WDR44: variants seen among roughly 807,000 people sequenced by gnomAD.
The protein encoded by WDR44 is WD repeat domain 44, also known as WD repeat-containing protein 44.
Under a neutral mutation model 65.7 loss-of-function variants are expected in WDR44, and 9 were observed. That is an observed-to-expected ratio of 0.14 (90% CI 0.08 to 0.24). The LOEUF is 0.24. Ranked by LOEUF, WDR44 falls within the 10% of genes least tolerant of loss-of-function variation. The pLI, the probability that WDR44 is intolerant of heterozygous loss-of-function variation, is 1.00. For synonymous variants in WDR44, 220 were observed against 235.2 expected, an observed-to-expected ratio of 0.94 and a Z score of 0.59; for missense variants, 425 against 670.9, an observed-to-expected ratio of 0.63 and a Z score of 4.05.
chrX:118,422,841 C>A (rs188083327), intron 12 of WDR44, among the ~76,000 whole-genome samples: 1 of 111,960 alleles, frequency 8.9e-6, no homozygotes, highest in African/African-American at 3.2e-5. Context: ...TTAATAGCCT[C>A]ACTTTACAAA....
At chrX:118,402,056 C>A (rs2056921965) in intron 8 of WDR44, among the ~76,000 whole-genome samples, 1 of 108,417 alleles carries the variant, frequency 9.2e-6, no homozygotes, top group South Asian at 4.0e-4. Context: ...TCATAGACAT[C>A]TCTTTATATC....
At chrX:118,363,430 G>T (rs1037522292) in intron 1 of WDR44, among the ~76,000 whole-genome samples, 7 of 105,056 alleles carry the variant, frequency 6.7e-5, no homozygotes, top group Non-Finnish European at 1.4e-4. Flanking sequence ...GGAGAAAAAA[G>T]AAAAAAATAG....
At chrX:118,358,473 T>A (rs2056482914) in intron 1 of WDR44, among the ~76,000 whole-genome samples, 1 of 111,745 alleles carries the variant, frequency 8.9e-6, no homozygotes, top group African/African-American at 3.3e-5. Flanking sequence ...GAGGCTGAGG[T>A]GGACGGATCA....
intron 1 of WDR44, among the ~76,000 whole-genome samples, chrX:118,361,396 A>G (rs1186100262): frequency 5.4e-5 from 6 of 111,873 alleles, no homozygotes; most frequent in Non-Finnish European, 1.1e-4. Context: ...TAACTGTGGG[A>G]TGGTTTATGG....
chrX:118,351,584 C>T (rs2056403050), intron 1 of WDR44, among the ~76,000 whole-genome samples: 2 of 111,796 alleles, frequency 1.8e-5, no homozygotes, highest in African/African-American at 6.5e-5. Context: ...TTTTATCGCA[C>T]TCATGTAACA....
intron 2 of WDR44, among the ~76,000 whole-genome samples, chrX:118,380,879 TGG>T (rs2056708794): frequency 9.0e-6 from 1 of 111,698 alleles, no homozygotes; most frequent in Non-Finnish European, 1.9e-5. Context: ...CTTTGAAAAT[TGG>T]GAGAGGTTTG....
chrX:118,443,020 C>A (rs1267683980), intron 17 of WDR44, among the ~76,000 whole-genome samples: 1 of 111,310 alleles, frequency 9.0e-6, no homozygotes, highest in Admixed American at 9.6e-5. Context: ...CGCCACTCCC[C>A]TCCCTGCCCC....
intron 14 of WDR44, among the ~76,000 whole-genome samples, chrX:118,440,670 T>C (rs2081179031): frequency 8.9e-6 from 1 of 111,766 alleles, no homozygotes; most frequent in Non-Finnish European, 1.9e-5. Flanking sequence ...ACCTACTTTA[T>C]CCTGTTTGGA....
At chrX:118,396,143 T>G (rs1011986874) in intron 6 of WDR44, among the ~76,000 whole-genome samples, 1 of 112,259 alleles carries the variant, frequency 8.9e-6, no homozygotes, top group Admixed American at 9.5e-5. Flanking sequence ...AGTATGCACC[T>G]ATTAGCCAAC....
At chrX:118,352,341 TA>T (rs1569354367) in intron 1 of WDR44, among the ~76,000 whole-genome samples, 25 of 24,131 alleles carry the variant, frequency 1.0e-3, no homozygotes, top group African/African-American at 4.8e-3. Flanking sequence ...TATATATATA[TA>T]TATATATATA....
At chrX:118,378,317 A>T in intron 1 of WDR44, 102 bp from the exon 2 acceptor site, 1 of 678,852 alleles carries the variant, frequency 1.5e-6, no homozygotes, top group Non-Finnish European at 2.2e-6. Context: ...CACAAAATAT[A>T]TACACATTTT....
intron 2 of WDR44, among the ~76,000 whole-genome samples, chrX:118,384,679 A>G (rs376746046): frequency 1.8e-5 from 2 of 111,742 alleles, no homozygotes; most frequent in Non-Finnish European, 3.8e-5. Flanking sequence ...TTGGTTCCCT[A>G]TGAATTTTAA....
chrX:118,442,557 A>G lies in WDR44; in HGVS notation c.2269-8A>G. ...ATATTTTTAACTTTTCATTTGATCT[A>G]CTTTTAGATATTGGTAACCTCAAAT... On this transcript the variant is annotated splice_polypyrimidine_tract_variant and splice_region_variant and intron_variant, in intron 16 of 19. Coordinates refer to ENST00000254029, the MANE Select transcript of WDR44 (RefSeq NM_019045.5). 5 of 1,188,204 alleles carry G rather than the reference A, an allele frequency of 4.2e-6. No individual in the cohort carries two copies. Among genetic ancestry groups the G allele is most frequent in the Non-Finnish European group, 5.7e-6 (5 of 875,902 alleles).
intron 1 of WDR44, among the ~76,000 whole-genome samples, chrX:118,349,764 G>T (rs2056387998): frequency 9.0e-6 from 1 of 110,708 alleles, no homozygotes; most frequent in African/African-American, 3.3e-5. Context: ...TCGTCAGGCT[G>T]GTCTTGAACT....
chrX:118,412,697 CAT>C (rs2057022124), intron 12 of WDR44, among the ~76,000 whole-genome samples: 1 of 111,392 alleles, frequency 9.0e-6, no homozygotes, highest in Admixed American at 9.6e-5. Flanking sequence ...AATGGTCACT[CAT>C]AGAAATATTT....
At chrX:118,360,245 AT>A (rs1367317072) in intron 1 of WDR44, among the ~76,000 whole-genome samples, 3 of 112,044 alleles carry the variant, frequency 2.7e-5, no homozygotes, top group South Asian at 7.4e-4. Flanking sequence ...GCTTATATAC[AT>A]TTCAACTCCA....
intron 1 of WDR44, among the ~76,000 whole-genome samples, chrX:118,352,352 A>ATTT (rs556374639): frequency 1.4e-4 from 2 of 14,224 alleles, no homozygotes; most frequent in Non-Finnish European, 2.1e-4. Flanking sequence ...ATATATATAT[A>ATTT]TTTTTTTTTT....
chrX:118,390,492 C>CT (rs1329034482), intron 3 of WDR44, among the ~76,000 whole-genome samples: 2 of 111,678 alleles, frequency 1.8e-5, no homozygotes, highest in African/African-American at 6.5e-5. Flanking sequence ...TCATACTATA[C>CT]TGAACAGTAA....
intron 1 of WDR44, among the ~76,000 whole-genome samples, chrX:118,353,063 C>G (rs2056428652): frequency 8.9e-6 from 1 of 112,012 alleles, no homozygotes; most frequent in Non-Finnish European, 1.9e-5. Flanking sequence ...GATAAATAAC[C>G]TATGTTTCTC....
Sources: allele counts gnomAD v4.1 joint callset (sites outside exome capture counted in the v4.1 genomes callset), GRCh38; gene constraint gnomAD v4.1.1; transcripts MANE v1.5; gene names NCBI Gene and HGNC (gene_info 2026-07-23, HGNC 2026-07-21).